RAB11FIP4: variants seen among roughly 807,000 people sequenced by gnomAD.
RAB11FIP4 encodes rab11 family-interacting protein 4.
In RAB11FIP4, 23 loss-of-function variants were observed where a neutral mutation model predicts 74.3. The ratio of observed to expected loss-of-function variants is 0.31; its 90% confidence interval spans 0.22 to 0.44. The LOEUF (loss-of-function observed/expected upper bound fraction) is 0.44. Ranked by LOEUF, RAB11FIP4 falls within the 20% of genes least tolerant of loss-of-function variation. The pLI, the probability that RAB11FIP4 is intolerant of heterozygous loss-of-function variation, is 1.00. For missense variants in RAB11FIP4, 630 were observed against 863.9 expected, an observed-to-expected ratio of 0.73 and a Z score of 3.39; for synonymous variants, 360 against 359.9, an observed-to-expected ratio of 1.00 and a Z score of 0.00.
chr17:31,472,452 C>T (rs981368190), intron 3 of RAB11FIP4, among the ~76,000 whole-genome samples: 1 of 152,222 alleles, frequency 6.6e-6, no homozygotes, highest in African/African-American at 2.4e-5. Context: ...CACAGGCGGC[C>T]CCAGCGCTCA....
intron 13 of RAB11FIP4, among the ~76,000 whole-genome samples, chr17:31,529,592 T>C (rs545192964): frequency 6.6e-6 from 1 of 152,310 alleles, no homozygotes; most frequent in East Asian, 1.9e-4. Context: ...CAAGGAGCGC[T>C]GCCTTAGCTA....
chr17:31,430,809 A>G (rs2071302602), intron 1 of RAB11FIP4, among the ~76,000 whole-genome samples: 1 of 152,088 alleles, frequency 6.6e-6, no homozygotes, highest in African/African-American at 2.4e-5. Context: ...GGTGTGGGAA[A>G]TGAGGGAGCT....
chr17:31,487,700 A>C (rs1411717398), intron 3 of RAB11FIP4, among the ~76,000 whole-genome samples: 1 of 151,936 alleles, frequency 6.6e-6, no homozygotes, highest in Non-Finnish European at 1.5e-5. Flanking sequence ...GTGCGGTGAC[A>C]AAAAACCGTG....
intron 3 of RAB11FIP4, among the ~76,000 whole-genome samples, chr17:31,484,679 G>C (rs2071884095): frequency 6.6e-6 from 1 of 151,862 alleles, no homozygotes; most frequent in African/African-American, 2.4e-5. Context: ...GAAAGTGTTA[G>C]CCCTTCCCTC....
At chr17:31,394,717 A>C (rs536442301) in intron 1 of RAB11FIP4, among the ~76,000 whole-genome samples, 1 of 152,084 alleles carries the variant, frequency 6.6e-6, no homozygotes, top group African/African-American at 2.4e-5. Flanking sequence ...TGCGGGCTGG[A>C]GAAGCAGTGC....
At chr17:31,489,869 A>G (rs1364807817) in intron 3 of RAB11FIP4, among the ~76,000 whole-genome samples, 1 of 152,112 alleles carries the variant, frequency 6.6e-6, no homozygotes, top group Admixed American at 6.5e-5. Flanking sequence ...GGGGTGGAGT[A>G]AATGACTAAG....
At chr17:31,429,828 CAAAAA>C (rs751342010) in intron 1 of RAB11FIP4, among the ~76,000 whole-genome samples, 1 of 80,314 alleles carries the variant, frequency 1.2e-5, no homozygotes, top group South Asian at 4.8e-4. Flanking sequence ...GATTCCATCT[CAAAAA>C]AAAAAAAAAA....
At chr17:31,393,208 T>C (rs902860000) in intron 1 of RAB11FIP4, among the ~76,000 whole-genome samples, 1 of 152,200 alleles carries the variant, frequency 6.6e-6, no homozygotes, top group African/African-American at 2.4e-5. Flanking sequence ...GAAAGACCAC[T>C]GCAGTGCCTG....
intron 3 of RAB11FIP4, among the ~76,000 whole-genome samples, chr17:31,493,841 A>G (rs1392603319): frequency 6.6e-6 from 1 of 152,136 alleles, no homozygotes; most frequent in Non-Finnish European, 1.5e-5. Flanking sequence ...GACCCCAGGG[A>G]GTCACTCCCA....
intron 5 of RAB11FIP4, 120 bp downstream of exon 5, chr17:31,521,480 T>G: frequency 1.1e-6 from 1 of 887,752 alleles, no homozygotes; most frequent in South Asian, 1.9e-5. Context: ...CCTCAGCTAC[T>G]TGAGTTCTGC....
intron 3 of RAB11FIP4, among the ~76,000 whole-genome samples, chr17:31,502,084 C>T (rs1008167363): frequency 2.6e-5 from 4 of 151,952 alleles, no homozygotes; most frequent in South Asian, 2.1e-4. Context: ...ATTAGCCAGG[C>T]GTGGTGGTGG....
chr17:31,430,150 C>A (rs917439558), intron 1 of RAB11FIP4, among the ~76,000 whole-genome samples: 18 of 151,986 alleles, frequency 1.2e-4, no homozygotes. Flanking sequence ...ACTGACATGG[C>A]GAATGGGGAG....
chr17:31,432,635 C>T (rs1170616730), intron 2 of RAB11FIP4, among the ~76,000 whole-genome samples: 1 of 152,192 alleles, frequency 6.6e-6, no homozygotes, highest in Non-Finnish European at 1.5e-5. Context: ...TCTGGGATTA[C>T]AGGCATCAGC....
At chr17:31,438,022 T>C (rs1383852228) in intron 3 of RAB11FIP4, among the ~76,000 whole-genome samples, 2 of 152,132 alleles carry the variant, frequency 1.3e-5, no homozygotes, top group Non-Finnish European at 2.9e-5. Flanking sequence ...TTGAGAGAGT[T>C]TCCTGACCCA....
At chr17:31,476,882 G>GGAGGAACAAA (rs2071799259) in intron 3 of RAB11FIP4, among the ~76,000 whole-genome samples, 1 of 152,192 alleles carries the variant, frequency 6.6e-6, no homozygotes, top group South Asian at 2.1e-4. Context: ...GCCCTGGCAG[G>GGAGGAACAAA]GGAGGCACAA....
chr17:31,411,556 C>T (rs1268203088), intron 1 of RAB11FIP4, among the ~76,000 whole-genome samples: 1 of 152,198 alleles, frequency 6.6e-6, no homozygotes, highest in Non-Finnish European at 1.5e-5. Context: ...CGCCTGAGTC[C>T]TTTCTGATAC....
In RAB11FIP4 at chr17:31,434,116, G is replaced by A. The variant is rs1464108557; in HGVS notation, c.330G>A (p.Val110=). 6.3e-7 allele frequency: 1 copy of A among 1,578,572 alleles called. No homozygotes were observed. Among genetic ancestry groups the A allele is most frequent in the Non-Finnish European group, 8.5e-7 (1 of 1,169,924 alleles). ...LPCAPEIPDC[V]EQGSEVTGPT... ...GCGCGCCAGAGATCCCAGACTGCGT[G>A]GAGCAGGTAAGGCTTGGGGGGCCTC... Residue 110 remains valine, a synonymous_variant, in exon 3 of 15, where the codon GTG becomes GTA. Coordinates refer to ENST00000621161, the MANE Select transcript of RAB11FIP4 (RefSeq NM_032932.6).
At chr17:31,474,870 C>A (rs986117902) in intron 3 of RAB11FIP4, among the ~76,000 whole-genome samples, 33 of 116,794 alleles carry the variant, frequency 2.8e-4, no homozygotes, top group African/African-American at 9.3e-4. Flanking sequence ...CAAAACAAAA[C>A]AAAACAAAAA....
intron 1 of RAB11FIP4, among the ~76,000 whole-genome samples, chr17:31,428,850 G>T (rs1164860140): frequency 6.6e-6 from 1 of 152,130 alleles, no homozygotes; most frequent in Non-Finnish European, 1.5e-5. Flanking sequence ...GCTAAGGTGG[G>T]AGGATCCCTT....
Sources: allele counts gnomAD v4.1 joint callset (sites outside exome capture counted in the v4.1 genomes callset), GRCh38; gene constraint gnomAD v4.1.1; transcripts MANE v1.5; gene names NCBI Gene and HGNC (gene_info 2026-07-23, HGNC 2026-07-21).